ZBTB46: variants seen among roughly 807,000 people sequenced by gnomAD.
The protein encoded by ZBTB46 is zinc finger and BTB domain containing 46.
ZBTB46 carries 8 observed loss-of-function variants against 44.1 expected under a neutral mutation model. The ratio of observed to expected loss-of-function variants is 0.18; its 90% CI spans 0.11 to 0.33. ZBTB46 has a LOEUF of 0.33. ZBTB46 is among the 10% of genes least tolerant of loss of function. ZBTB46 has a pLI of 1.00. For synonymous variants in ZBTB46, 409 were observed against 382.3 expected, an observed-to-expected ratio of 1.07 and a Z score of -0.81; for missense variants, 651 against 847.7, an observed-to-expected ratio of 0.77 and a Z score of 2.88.
At chr20:63,801,267 G>A (rs1235418140) in intron 1 of ZBTB46, among the ~76,000 whole-genome samples, 2 of 152,170 alleles carry the variant, frequency 1.3e-5, no homozygotes, top group East Asian at 3.8e-4. Flanking sequence ...TCAGCGCCCT[G>A]TATCCAGCTC....
chr20:63,768,647 AT>A (rs1157426210), intron 3 of ZBTB46, among the ~76,000 whole-genome samples: 1 of 151,634 alleles, frequency 6.6e-6, no homozygotes, highest in Non-Finnish European at 1.5e-5. Context: ...TTGTTAAAGA[AT>A]TTTTTTTTCT....
chr20:63,796,312 G>C (rs2092603927), intron 1 of ZBTB46, among the ~76,000 whole-genome samples: 1 of 152,232 alleles, frequency 6.6e-6, no homozygotes, highest in Admixed American at 6.5e-5. Flanking sequence ...GGAGGCCTCG[G>C]GTGCCCCCTG....
intron 1 of ZBTB46, among the ~76,000 whole-genome samples, chr20:63,801,959 A>G (rs2092649182): frequency 6.6e-6 from 1 of 152,170 alleles, no homozygotes; most frequent in African/African-American, 2.4e-5. Context: ...TTTTGTAAAA[A>G]TATTTTTCCT....
At position 63,747,053 on chromosome 20, in the gene ZBTB46, G is replaced by T. The variant is rs756424419; in HGVS notation, c.1647C>A (p.Gly549=). The change falls in exon 5 of 5, where the codon GGC becomes GGA. Residue 549 remains glycine (G), a synonymous_variant. Transcript: ENST00000245663. ...EDPRGEAEEL[G]EDDEGLAPED... is the part of the protein sequence containing the mutation. Reference sequence around the variant, plus strand: ...CAGGGGCCAGGCCCTCGTCGTCCTCGCCCAGCTCCTCCGCCTCCCCTCGTG... The same window carrying T: ...CAGGGGCCAGGCCCTCGTCGTCCTCTCCCAGCTCCTCCGCCTCCCCTCGTG... 3 of 1,608,532 alleles carry T rather than the reference G, an allele frequency of 1.9e-6. No individual in the cohort carries two copies. The highest frequency in any genetic ancestry group is 2.2e-5 in the East Asian group (1 of 44,792).
intron 3 of ZBTB46, among the ~76,000 whole-genome samples, chr20:63,754,360 C>T (rs573104366): frequency 1.3e-5 from 2 of 152,286 alleles, no homozygotes; most frequent in South Asian, 4.1e-4. Context: ...GCCTGGTTCT[C>T]GCATTATCAC....
chr20:63,804,757 T>TG lies in ZBTB46; in HGVS notation c.-33-13968dup, dbSNP rs980898654. Among the ~76,000 whole-genome samples, 57 of 151,576 alleles carry TG rather than the reference T, an allele frequency of 3.8e-4. 1 individual carries two copies. Among genetic ancestry groups the TG allele is most frequent in the Non-Finnish European group, 2.2e-4 (15 of 67,822 alleles). ...AATTAAAAAAATTAGCCAGGCGTGG[T>TG]GGGGGGCGCCTGTAGTCCCAGCTAC... On this transcript the variant is annotated intron_variant, in intron 1 of 4. Transcript: ENST00000245663.
intron 3 of ZBTB46, among the ~76,000 whole-genome samples, chr20:63,765,105 T>TTGTGTGTG (rs1320451168): frequency 1.3e-5 from 2 of 150,372 alleles, no homozygotes; most frequent in African/African-American, 4.9e-5. Context: ...GTATGTGTGG[T>TTGTGTGTG]TGTGTGTGTG....
intron 1 of ZBTB46, among the ~76,000 whole-genome samples, chr20:63,823,443 A>G (rs752001447): frequency 4.6e-5 from 7 of 152,288 alleles, no homozygotes; most frequent in African/African-American, 1.7e-4. Context: ...GGTTGCAGTG[A>G]GCCAAGATCA....
intron 1 of ZBTB46, among the ~76,000 whole-genome samples, chr20:63,826,812 G>A (rs2092822044): frequency 6.6e-6 from 1 of 152,236 alleles, no homozygotes; most frequent in Non-Finnish European, 1.5e-5. Flanking sequence ...CAAGTCTTCA[G>A]AAGGTACAAC....
chr20:63,762,018 C>T (rs981633892), intron 3 of ZBTB46, among the ~76,000 whole-genome samples: 1 of 152,120 alleles, frequency 6.6e-6, no homozygotes. Flanking sequence ...TGTTTCCTGT[C>T]CATTTGGAAT....
chr20:63,831,249 C>G lies in ZBTB46; in HGVS notation c.-186G>C, dbSNP rs1249041549. On this transcript the variant is annotated 5_prime_UTR_variant, in exon 1 of 5. Transcript: ENST00000245663. ...CGGTCCGTCCGTCCGTCCGTCGGTC[C>G]GTCAGGCCGGCGCGCGCCCCCGCGC... The G allele has an allele frequency of 7.1e-6, 1 of 140,586 alleles. No individual in the cohort carries two copies. Among genetic ancestry groups the G allele is most frequent in the East Asian group, 2.2e-4 (1 of 4,490 alleles). The allele number at this position is 140,586 out of a possible 1,614,324, so 8.7% of individuals were successfully genotyped here.
At chr20:63,799,828 G>A (rs563997068) in intron 1 of ZBTB46, among the ~76,000 whole-genome samples, 2 of 152,230 alleles carry the variant, frequency 1.3e-5, no homozygotes, top group South Asian at 2.1e-4. Context: ...ATGTGTCCTC[G>A]AGGACACGAG....
At chr20:63,824,319 T>C (rs2092808837) in intron 1 of ZBTB46, among the ~76,000 whole-genome samples, 1 of 151,982 alleles carries the variant, frequency 6.6e-6, no homozygotes, top group South Asian at 2.1e-4. Context: ...CTTTCGAAAA[T>C]ACCTAAGCTG....
At chr20:63,788,050 A>C (rs2092530258) in intron 2 of ZBTB46, 1 of 152,236 alleles carries the variant, frequency 6.6e-6, no homozygotes, top group Non-Finnish European at 1.5e-5. Flanking sequence ...TCCCACGTTC[A>C]TTTCCAGGCT....
chr20:63,804,883 C>T (rs2092671734), intron 1 of ZBTB46, among the ~76,000 whole-genome samples: 1 of 150,492 alleles, frequency 6.6e-6, no homozygotes, highest in Admixed American at 6.6e-5. Context: ...CATAGTGAGA[C>T]TCCGTCTCAA....
intron 3 of ZBTB46, among the ~76,000 whole-genome samples, chr20:63,756,769 G>A (rs554139813): frequency 2.6e-4 from 39 of 152,324 alleles, no homozygotes; most frequent in African/African-American, 7.0e-4. Flanking sequence ...CTTCGTATAC[G>A]TGGGATCCTA....
Position 63,746,936 on chromosome 20 carries a change from G to C in ZBTB46, c.1764C>G (p.Leu588=), listed in dbSNP as rs1568821565. 6.5e-7 allele frequency: 1 copy of C among 1,549,402 alleles called. No individual in the cohort carries two copies. Among genetic ancestry groups the C allele is most frequent in the Non-Finnish European group, 8.7e-7 (1 of 1,151,046 alleles). ...PGGPDKDFAW[L]S ...ACCCTGCCGGCGGGCGGGCCTAGGA[G>C]AGCCAGGCGAAGTCCTTGTCAGGGC... is the stretch of plus-strand genomic sequence containing the variant. Residue 588 remains leucine (L), a synonymous_variant, in exon 5 of 5, where the codon CTC becomes CTG. Coordinates refer to ENST00000245663, the MANE Select transcript of ZBTB46 (RefSeq NM_001369741.1).
intron 1 of ZBTB46, among the ~76,000 whole-genome samples, chr20:63,808,479 C>A (rs544355973): frequency 1.3e-5 from 2 of 152,046 alleles, no homozygotes; most frequent in Non-Finnish European, 2.9e-5. Flanking sequence ...CCGGGCCCGG[C>A]GGGAGGGAAG....
At chr20:63,774,938 C>T (rs890111755) in intron 3 of ZBTB46, among the ~76,000 whole-genome samples, 1 of 152,116 alleles carries the variant, frequency 6.6e-6, no homozygotes, top group African/African-American at 2.4e-5. Context: ...CTCCTGACCT[C>T]GTGGTCTGCC....
Sources: allele counts gnomAD v4.1 joint callset (sites outside exome capture counted in the v4.1 genomes callset), GRCh38; gene constraint gnomAD v4.1.1; transcripts MANE v1.5; gene names NCBI Gene and HGNC (gene_info 2026-07-23, HGNC 2026-07-21).